Variants in FAM210A observed in about 807,000 individuals in gnomAD.
FAM210A encodes the protein mitochondrial inner membrane scaffold 1.
A neutral mutation model predicts 25.3 loss-of-function variants in FAM210A; 13 were observed. The ratio of observed to expected loss-of-function variants is 0.51; its 90% CI spans 0.33 to 0.82. The LOEUF is 0.82. Among genes scored for constraint, FAM210A ranks in the 40% least tolerant of loss-of-function variants. FAM210A has a pLI of 0.02. For synonymous variants in FAM210A, 125 were observed against 118.7 expected, an observed-to-expected ratio of 1.05 and a Z score of -0.35; for missense variants, 319 against 323.2, an observed-to-expected ratio of 0.99 and a Z score of 0.10.
rs1221834734 is a variant in FAM210A, at chr18:13,664,407, A to G, written c.*2073T>C. On this transcript the variant is annotated 3_prime_UTR_variant, in exon 4 of 4. Coordinates refer to ENST00000651643, the MANE Select transcript of FAM210A (RefSeq NM_152352.4). ...GTTTTAGAAAAATTCCATATAACAC[A>G]AGATTTTCACATAGTCTCCAGTGGT... 1 of 152,262 alleles carries G rather than the reference A, an allele frequency of 6.6e-6. No individual in the cohort carries two copies. The highest frequency in any genetic ancestry group is 6.5e-5 in the Admixed American group (1 of 15,288). The allele number at this position is 152,262 out of a possible 1,614,324, so 9.4% of individuals were successfully genotyped here.
At position 13,681,926 on chromosome 18, in the gene FAM210A, G is replaced by C; in HGVS notation, c.152C>G (p.Pro51Arg). 6.2e-7 allele frequency: 1 copy of C among 1,614,110 alleles called. No homozygotes were observed. The highest frequency in any genetic ancestry group is 8.5e-7 in the Non-Finnish European group (1 of 1,180,020). The change falls in exon 2 of 4, where the codon CCT (proline) becomes CGT (arginine). Residue 51 changes from proline (P) to arginine (R), a missense_variant. Physicochemically the swap from Pro to Arg is moderately radical, Grantham distance 103. Coordinates refer to ENST00000651643, the MANE Select transcript of FAM210A (RefSeq NM_152352.4). The stretch of plus-strand genomic sequence containing the variant: ...AGATAAATGCAACCATTGTTTTTGA[G>C]GGCCTTGTACCAAAACCACTTTGGA... ...AESKVVLVQGPQKQWLHLSAA... is the reference protein window; with the variant it reads ...AESKVVLVQGRQKQWLHLSAA...
intron 1 of FAM210A, among the ~76,000 whole-genome samples, chr18:13,702,962 C>A (rs2043752632): frequency 6.6e-6 from 1 of 152,140 alleles, no homozygotes; most frequent in African/African-American, 2.4e-5. Flanking sequence ...AAAAAAAAGA[C>A]CACTGTGGTT....
At chr18:13,678,285 T>A (rs567117903) in intron 2 of FAM210A, among the ~76,000 whole-genome samples, 9 of 147,216 alleles carry the variant, frequency 6.1e-5, no homozygotes, top group East Asian at 3.9e-4. Context: ...GTTCCAATAT[T>A]TTTTTTTTTT....
At chr18:13,679,220 T>A (rs1368516884) in intron 2 of FAM210A, among the ~76,000 whole-genome samples, 1 of 152,236 alleles carries the variant, frequency 6.6e-6, no homozygotes, top group East Asian at 1.9e-4. Context: ...AGGCATGATG[T>A]CAAATGCCCA....
At chr18:13,675,848 T>G (rs1174404783) in intron 2 of FAM210A, among the ~76,000 whole-genome samples, 1 of 28,992 alleles carries the variant, frequency 3.4e-5, no homozygotes, top group Non-Finnish European at 8.0e-5. Context: ...CAGGCTTCTT[T>G]ATTTCCAGTT....
chr18:13,700,944 T>A (rs549420617), intron 1 of FAM210A, among the ~76,000 whole-genome samples: 2 of 152,330 alleles, frequency 1.3e-5, no homozygotes, highest in South Asian at 4.1e-4. Flanking sequence ...CCGTATATCA[T>A]TTCCCTTTTT....
chr18:13,684,240 T>TA (rs947970566), intron 1 of FAM210A, among the ~76,000 whole-genome samples: 17 of 150,684 alleles, frequency 1.1e-4, no homozygotes, highest in Admixed American at 4.6e-4. Flanking sequence ...CCTAAAAATA[T>TA]AAAAAAAAAT....
At chr18:13,702,384 C>T (rs1284201) in intron 1 of FAM210A, among the ~76,000 whole-genome samples, 130,626 of 152,278 alleles carry the variant, frequency 0.86, 56,119 homozygotes, top group East Asian at 0.95. Context: ...GAACAGAACA[C>T]GGGCTTGAAA....
In FAM210A at chr18:13,678,890, G is replaced by C. The variant is rs2043526045; in HGVS notation, c.473+2715C>G. Among the ~76,000 whole-genome samples the C allele has an allele frequency of 2.6e-5, 4 of 152,208 alleles. No homozygotes were observed. The South Asian group carries it at 8.3e-4, about 32-fold the overall frequency. On this transcript the variant is annotated intron_variant, in intron 2 of 3. Coordinates refer to ENST00000651643, the MANE Select transcript of FAM210A (RefSeq NM_152352.4). ...AGTGGATCTGTAACTTTAGGAACTT[G>C]AGGTCTCAAACACAAGGCATCTAAA... is the stretch of plus-strand genomic sequence containing the variant.
intron 1 of FAM210A, among the ~76,000 whole-genome samples, chr18:13,689,516 T>A (rs2043624786): frequency 6.6e-6 from 1 of 152,162 alleles, no homozygotes; most frequent in Non-Finnish European, 1.5e-5. Context: ...ATAAAGAACA[T>A]GTACAACAAA....
At chr18:13,689,148 G>T (rs1000512414) in intron 1 of FAM210A, among the ~76,000 whole-genome samples, 1 of 152,134 alleles carries the variant, frequency 6.6e-6, no homozygotes, top group African/African-American at 2.4e-5. Context: ...CTTATCTTGT[G>T]TAAAACGTAC....
Position 13,681,660 on chromosome 18 carries a change from C to A in FAM210A, c.418G>T (p.Val140Leu). ...FRQYGKVLIP[V>L]HLITSGVWFG... ...CAAACACCAGAAGTTATTAGATGCA[C>A]TGGAATCAGAACTTTTCCATACTGT... Residue 140 changes from valine to leucine, a missense_variant, in exon 2 of 4, where the codon GTG (valine) becomes TTG (leucine). Coordinates refer to ENST00000651643, the MANE Select transcript of FAM210A (RefSeq NM_152352.4). The A allele has an allele frequency of 6.2e-7, 1 of 1,613,244 alleles. No individual in the cohort carries two copies. The highest frequency in any genetic ancestry group is 8.5e-7 in the Non-Finnish European group (1 of 1,179,794).
intron 1 of FAM210A, among the ~76,000 whole-genome samples, chr18:13,700,859 G>A (rs559366393): frequency 5.9e-5 from 9 of 152,288 alleles, no homozygotes; most frequent in African/African-American, 2.2e-4. Flanking sequence ...ACCACTCATA[G>A]ACTGCTAAGT....
intron 1 of FAM210A, among the ~76,000 whole-genome samples, chr18:13,705,109 G>A (rs1379473050): frequency 2.6e-5 from 4 of 152,176 alleles, no homozygotes; most frequent in Admixed American, 6.5e-5. Context: ...GCTAACCCAA[G>A]TAGACAGAAA....
chr18:13,719,185 T>C (rs1441145875), intron 1 of FAM210A, among the ~76,000 whole-genome samples: 2 of 152,220 alleles, frequency 1.3e-5, no homozygotes, highest in African/African-American at 4.8e-5. Flanking sequence ...ACTGTTTATC[T>C]AATTCCTCTA....
intron 2 of FAM210A, among the ~76,000 whole-genome samples, chr18:13,673,606 T>C (rs1222428026): frequency 6.6e-6 from 1 of 150,946 alleles, no homozygotes; most frequent in Non-Finnish European, 1.5e-5. Flanking sequence ...AGCCGTGACT[T>C]ATTTCCAGTT....
intron 2 of FAM210A, among the ~76,000 whole-genome samples, chr18:13,675,412 GATT>G (rs2043487003): frequency 1.1e-5 from 1 of 94,134 alleles, no homozygotes; most frequent in Non-Finnish European, 2.2e-5. Flanking sequence ...CCAGTTTCCT[GATT>G]ATTAACATTC....
chr18:13,674,097 T>G (rs59933111), intron 2 of FAM210A, among the ~76,000 whole-genome samples: 2 of 142,106 alleles, frequency 1.4e-5, no homozygotes, highest in Middle Eastern at 3.6e-3. Context: ...CTGGCTTCTT[T>G]ATTTCCAGTT....
rs910274758 is a variant in FAM210A at position 13,666,129 on chromosome 18, T to C, written c.*351A>G. 9.0e-6 allele frequency: 2 copies of C among 222,658 alleles called. No homozygotes were observed. Among genetic ancestry groups the C allele is most frequent in the Admixed American group, 5.1e-5 (1 of 19,520 alleles). 13.8% of individuals were successfully genotyped at this position (222,658 alleles called of 1,614,324 possible). A position where few individuals can be genotyped will look rare whatever the true frequency, so the allele number is the denominator to read the frequency against. On this transcript the variant is annotated 3_prime_UTR_variant, in exon 4 of 4. Transcript: ENST00000651643. ...TAACAGACTATTTTATGGGTCACAC[T>C]GGATATTCAAGGAGTCAGCTGCCTA...
Sources: gnomAD v4.1 joint callset for allele counts (sites outside exome capture counted in the v4.1 genomes callset) on GRCh38, gnomAD v4.1.1 for gene constraint, MANE v1.5 for transcripts, NCBI Gene and HGNC (gene_info 2026-07-23, HGNC 2026-07-21) for gene names.